The following OSBPL10 variants were observed in gnomAD, a reference collection of about 807,000 sequenced individuals.
OSBPL10 encodes oxysterol binding protein like 10.
In OSBPL10, 49 loss-of-function variants were observed where a neutral mutation model predicts 81.7. The observed-to-expected ratio is 0.60, with a 90% CI of 0.48 to 0.76. The LOEUF (loss-of-function observed/expected upper bound fraction) is 0.76, where lower values mean the gene tolerates loss of function less well. Among genes scored for constraint, OSBPL10 ranks in the 30% least tolerant of loss-of-function variants. The pLI, the probability that OSBPL10 is intolerant of heterozygous loss-of-function variation, is 0.00. For synonymous variants in OSBPL10, 419 were observed against 383.6 expected, an observed-to-expected ratio of 1.09 and a Z score of -1.08; for missense variants, 923 against 987.8, an observed-to-expected ratio of 0.93 and a Z score of 0.88.
At chr3:32,029,117 C>A (rs1699444344) in intron 2 of OSBPL10, among the ~76,000 whole-genome samples, 1 of 152,000 alleles carries the variant, frequency 6.6e-6, no homozygotes, top group Non-Finnish European at 1.5e-5. Context: ...AACTGGTGAT[C>A]AGCAGTTTCC....
At chr3:31,795,010 C>G (rs753381279) in intron 4 of OSBPL10, 1 of 252,918 alleles carries the variant, frequency 4.0e-6, no homozygotes, top group African/African-American at 2.3e-5. Flanking sequence ...GAACTTCTTG[C>G]CCAGCTTGGG....
chr3:31,915,675 G>C (rs761228588), intron 1 of OSBPL10, among the ~76,000 whole-genome samples: 1 of 152,012 alleles, frequency 6.6e-6, no homozygotes, highest in African/African-American at 2.4e-5. Context: ...TAGGTGACAG[G>C]ATCATTCATA....
rs527352599 is a variant in OSBPL10, at chr3:31,749,788, C to G, written c.730-1668G>C. On this transcript the variant is annotated intron_variant, in intron 4 of 11. Coordinates refer to ENST00000396556, the MANE Select transcript of OSBPL10 (RefSeq NM_017784.5). ...TGAGATGGCACCACTGTGCTCCAGCCTGGGTGACAGAGTGAGACGCCATCT... is the reference window on the plus strand; with the variant it reads ...TGAGATGGCACCACTGTGCTCCAGCGTGGGTGACAGAGTGAGACGCCATCT... Among the ~76,000 whole-genome samples, 3 of 151,954 alleles carry G rather than the reference C, an allele frequency of 2.0e-5. No individual in the cohort carries two copies. The East Asian group carries it at 5.8e-4, about 29-fold the overall frequency.
At chr3:31,834,718 C>G (rs917015222) in intron 3 of OSBPL10, among the ~76,000 whole-genome samples, 1 of 152,150 alleles carries the variant, frequency 6.6e-6, no homozygotes, top group African/African-American at 2.4e-5. Context: ...AATCGGGTAA[C>G]AAGCCTGGGA....
intron 2 of OSBPL10, among the ~76,000 whole-genome samples, chr3:32,019,059 C>T (rs537152726): frequency 2.6e-5 from 4 of 152,258 alleles, no homozygotes; most frequent in African/African-American, 9.6e-5. Context: ...TCTCCACCAA[C>T]GGCCTAAGCT....
intron 2 of OSBPL10, among the ~76,000 whole-genome samples, chr3:32,045,441 C>T (rs1699612323): frequency 6.6e-6 from 1 of 152,142 alleles, no homozygotes; most frequent in Admixed American, 6.5e-5. Flanking sequence ...ACAGCCAAGA[C>T]TGTTGGGCAA....
At chr3:31,870,639 T>C (rs1369774963) in intron 3 of OSBPL10, among the ~76,000 whole-genome samples, 2 of 152,288 alleles carry the variant, frequency 1.3e-5, no homozygotes, top group African/African-American at 2.4e-5. Context: ...AATACACCAA[T>C]TGGCACTCTG....
chr3:31,741,714 T>TG (rs1697357198), intron 5 of OSBPL10, among the ~76,000 whole-genome samples: 1 of 152,264 alleles, frequency 6.6e-6, no homozygotes, highest in African/African-American at 2.4e-5. Flanking sequence ...TGATATGGTT[T>TG]GGCTCTGTAT....
At chr3:32,018,809 T>C (rs1699337389) in intron 2 of OSBPL10, among the ~76,000 whole-genome samples, 1 of 152,126 alleles carries the variant, frequency 6.6e-6, no homozygotes. Flanking sequence ...AAAAAGGTAG[T>C]GTTTTTGTGT....
At chr3:31,791,741 C>T (rs955832383) in intron 4 of OSBPL10, among the ~76,000 whole-genome samples, 4 of 150,958 alleles carry the variant, frequency 2.6e-5, no homozygotes, top group Admixed American at 2.0e-4. Context: ...AAGCTAGTAA[C>T]CACCAAGTGA....
chr3:32,031,468 T>A (rs1347441852), intron 2 of OSBPL10, among the ~76,000 whole-genome samples: 3 of 152,168 alleles, frequency 2.0e-5, no homozygotes, highest in African/African-American at 7.2e-5. Flanking sequence ...AATAATTTTT[T>A]TTTTTTTTTT....
intron 1 of OSBPL10, among the ~76,000 whole-genome samples, chr3:32,070,235 T>A (rs1338601135): frequency 6.6e-6 from 1 of 152,174 alleles, no homozygotes; most frequent in African/African-American, 2.4e-5. Context: ...CTTGCCCCCA[T>A]AACTGTTGTG....
At position 31,799,379 on chromosome 3, in the gene OSBPL10, TAA is replaced by T. The variant is rs61157535; in HGVS notation, c.729+30659_729+30660del. On this transcript the variant is annotated intron_variant, in intron 4 of 11. Coordinates refer to ENST00000396556, the MANE Select transcript of OSBPL10 (RefSeq NM_017784.5). ...CAACATAGCAAGACCCCTATCTCTTTAAAAAAAAAAAAAAAAAAAAAAAAAAA... is the reference window on the plus strand; with the variant it reads ...CAACATAGCAAGACCCCTATCTCTTTAAAAAAAAAAAAAAAAAAAAAAAAA... Among the ~76,000 whole-genome samples the T allele has an allele frequency of 6.4e-3, 359 of 56,228 alleles. 2 individuals carry two copies. Among genetic ancestry groups the T allele is most frequent in the African/African-American group, 0.02 (318 of 15,784 alleles). The allele number at this position is 56,228 out of a possible 152,430, so 36.9% of individuals were successfully genotyped here. A position where few individuals can be genotyped will look rare whatever the true frequency, so the allele number is the denominator to read the frequency against.
At chr3:32,047,051 G>A (rs1699628306) in intron 1 of OSBPL10, among the ~76,000 whole-genome samples, 1 of 152,158 alleles carries the variant, frequency 6.6e-6, no homozygotes, top group Admixed American at 6.5e-5. Flanking sequence ...CCAGGCTGGA[G>A]TGCAGTGGCA....
chr3:31,967,725 C>T (rs1698441121), intron 1 of OSBPL10, among the ~76,000 whole-genome samples: 1 of 152,106 alleles, frequency 6.6e-6, no homozygotes, highest in Admixed American at 6.6e-5. Context: ...GCTGGCTTTA[C>T]CTATTTGCTC....
At chr3:31,780,339 C>T (rs533656311) in intron 4 of OSBPL10, among the ~76,000 whole-genome samples, 4 of 151,908 alleles carry the variant, frequency 2.6e-5, no homozygotes, top group African/African-American at 9.7e-5. Flanking sequence ...ACTTCTGGGA[C>T]ATAGCATTAA....
intron 5 of OSBPL10, among the ~76,000 whole-genome samples, chr3:31,741,965 C>T (rs372047926): frequency 1.1e-4 from 16 of 152,234 alleles, no homozygotes; most frequent in Admixed American, 1.0e-3. Context: ...AATTGTGAGC[C>T]CTCCTCAGCC....
intron 4 of OSBPL10, among the ~76,000 whole-genome samples, chr3:31,815,203 T>C (rs1489218215): frequency 4.9e-5 from 2 of 40,672 alleles, no homozygotes; most frequent in Non-Finnish European, 1.1e-4. Flanking sequence ...CACCGAGAGA[T>C]GCCCTGCCAG....
At chr3:32,058,276 T>C (rs544527596) in intron 1 of OSBPL10, among the ~76,000 whole-genome samples, 1 of 152,228 alleles carries the variant, frequency 6.6e-6, no homozygotes, top group African/African-American at 2.4e-5. Flanking sequence ...TTATCAATTA[T>C]AGAATCTAGT....
Sources: allele counts gnomAD v4.1 joint callset (sites outside exome capture counted in the v4.1 genomes callset), GRCh38; gene constraint gnomAD v4.1.1; transcripts MANE v1.5; gene names NCBI Gene and HGNC (gene_info 2026-07-23, HGNC 2026-07-21).